The following APP variants were observed in gnomAD, a reference collection of about 807,000 sequenced individuals.
APP encodes the protein amyloid beta precursor protein.
In APP, 31 loss-of-function variants were observed where a neutral mutation model predicts 101.4. The observed-to-expected ratio is 0.31, with a 90% CI of 0.23 to 0.41. The LOEUF is 0.41. Ranked by LOEUF, APP falls within the 10% of genes least tolerant of loss-of-function variation. APP has a pLI of 1.00. For missense variants in APP, 839 were observed against 1,003.7 expected (o/e 0.84, Z 2.22); for synonymous variants, 366 against 364.4 (o/e 1.00, Z -0.05).
chr21:25,888,310 A>G (rs1362481105), intron 17 of APP, among the ~76,000 whole-genome samples: 1 of 152,134 alleles, frequency 6.6e-6, no homozygotes, highest in Non-Finnish European at 1.5e-5. Flanking sequence ...ATGCTAAGAA[A>G]AATGGTGCTC....
At chr21:25,928,685 T>C (rs1479625450) in intron 13 of APP, 3 of 152,066 alleles carry the variant, frequency 2.0e-5, no homozygotes, top group Non-Finnish European at 4.4e-5. Flanking sequence ...ATATGCCCAT[T>C]AATGTGATAC....
chr21:26,033,719 T>C lies in APP; in HGVS notation c.663-11677A>G, dbSNP rs2044952031. ...CAACAAACATGAGCTAGCAGAAGCA[T>C]GGAGGACAGATAGGTGGAGGAGCGA... On this transcript the variant is annotated intron_variant, in intron 5 of 17. Coordinates refer to ENST00000346798, the MANE Select transcript of APP (RefSeq NM_000484.4). Among the ~76,000 whole-genome samples the C allele has an allele frequency of 2.0e-5, 3 of 152,066 alleles. 1 individual carries two copies. The South Asian group carries it at 6.2e-4, about 32-fold the overall frequency.
At chr21:26,005,003 T>C (rs1249912265) in intron 6 of APP, among the ~76,000 whole-genome samples, 4 of 152,328 alleles carry the variant, frequency 2.6e-5, no homozygotes, top group East Asian at 1.9e-4. Flanking sequence ...TATGGCTGCA[T>C]AGTATTTCAT....
intron 1 of APP, among the ~76,000 whole-genome samples, chr21:26,151,229 G>A (rs916758694): frequency 2.1e-5 from 3 of 141,446 alleles, no homozygotes; most frequent in Admixed American, 7.3e-5. Context: ...CAAGGAGGAC[G>A]CTTTATTTAT....
intron 6 of APP, among the ~76,000 whole-genome samples, chr21:26,020,664 A>C (rs1178613717): frequency 6.6e-6 from 1 of 152,316 alleles, no homozygotes; most frequent in East Asian, 1.9e-4. Context: ...CAGTAAGTAC[A>C]TATTCATTCA....
chr21:25,904,573 G>C (rs2038685380), intron 15 of APP, among the ~76,000 whole-genome samples: 1 of 152,188 alleles, frequency 6.6e-6, no homozygotes, highest in African/African-American at 2.4e-5. Flanking sequence ...ACTGATTGAA[G>C]TTTGAGCCCA....
chr21:26,035,615 T>C (rs1474911775), intron 5 of APP, among the ~76,000 whole-genome samples: 2 of 152,214 alleles, frequency 1.3e-5, no homozygotes, highest in Non-Finnish European at 2.9e-5. Context: ...GTGCACTTGG[T>C]TTTTAAGCGT....
intron 1 of APP, among the ~76,000 whole-genome samples, chr21:26,166,793 A>C (rs2063620644): frequency 6.6e-6 from 1 of 151,604 alleles, no homozygotes; most frequent in African/African-American, 2.4e-5. Context: ...TCAGCCCCTT[A>C]CCTTTGACCT....
At chr21:26,061,204 T>C (rs1350119678) in intron 3 of APP, among the ~76,000 whole-genome samples, 1 of 152,220 alleles carries the variant, frequency 6.6e-6, no homozygotes, top group African/African-American at 2.4e-5. Flanking sequence ...AGCTTGTTTC[T>C]ATTCCAACAG....
At chr21:26,084,722 G>T (rs1333101545) in intron 3 of APP, among the ~76,000 whole-genome samples, 1 of 152,186 alleles carries the variant, frequency 6.6e-6, no homozygotes, top group Admixed American at 6.5e-5. Flanking sequence ...GGAAGATCAA[G>T]AATCTTCCTG....
chr21:26,022,302 G>T (rs1304373943), intron 5 of APP, among the ~76,000 whole-genome samples: 2 of 152,156 alleles, frequency 1.3e-5, no homozygotes, highest in Non-Finnish European at 1.5e-5. Flanking sequence ...GAAAATTACG[G>T]AGACAATAAA....
At chr21:26,070,707 G>A (rs771750336) in intron 3 of APP, among the ~76,000 whole-genome samples, 1 of 151,990 alleles carries the variant, frequency 6.6e-6, no homozygotes, top group Non-Finnish European at 1.5e-5. Context: ...AAAAATCTAA[G>A]GTTGAAGAAC....
chr21:26,074,775 A>G (rs2061472974), intron 3 of APP, among the ~76,000 whole-genome samples: 1 of 152,134 alleles, frequency 6.6e-6, no homozygotes, highest in South Asian at 2.1e-4. Flanking sequence ...CTTTATCATT[A>G]GCCTTAAAAA....
At chr21:25,891,913 T>C in intron 16 of APP, 45 bp from the exon 17 acceptor site, 1 of 1,560,364 alleles carries the variant, frequency 6.4e-7, no homozygotes, top group African/African-American at 1.4e-5. Context: ...CTAAATGCAA[T>C]ATAATTTACA....
chr21:25,998,300 T>A (rs1366601099), intron 7 of APP, among the ~76,000 whole-genome samples: 1 of 151,918 alleles, frequency 6.6e-6, no homozygotes, highest in Non-Finnish European at 1.5e-5. Flanking sequence ...CTCCATTGTG[T>A]TCGCAATACC....
intron 6 of APP, among the ~76,000 whole-genome samples, chr21:26,001,911 T>C (rs1257409171): frequency 6.7e-5 from 1 of 14,944 alleles, no homozygotes; most frequent in East Asian, 1.8e-3. Flanking sequence ...AGAGGGGATA[T>C]GGTCCCTAGA....
chr21:25,974,966 G>A (rs1309733196), intron 11 of APP, 104 bp downstream of exon 11: 1 of 1,513,040 alleles, frequency 6.6e-7, no homozygotes, highest in East Asian at 2.4e-5. Context: ...CAGTGCTCAA[G>A]GCATTTCTCC....
At chr21:25,969,362 A>AG (rs1191581994) in intron 11 of APP, among the ~76,000 whole-genome samples, 1 of 150,854 alleles carries the variant, frequency 6.6e-6, no homozygotes, top group East Asian at 1.9e-4. Flanking sequence ...AAAAAAAAAA[A>AG]AAAAAAAAAA....
At chr21:26,121,732 T>C (rs1336150044) in intron 1 of APP, among the ~76,000 whole-genome samples, 2 of 152,244 alleles carry the variant, frequency 1.3e-5, no homozygotes, top group East Asian at 3.8e-4. Flanking sequence ...AGTGGTACTT[T>C]ACAGCACTAC....
Sources: allele counts gnomAD v4.1 joint callset (sites outside exome capture counted in the v4.1 genomes callset), GRCh38; gene constraint gnomAD v4.1.1; transcripts MANE v1.5; gene names NCBI Gene and HGNC (gene_info 2026-07-23, HGNC 2026-07-21).